Variants in UNC13C observed in about 807,000 individuals in gnomAD.
The protein encoded by UNC13C is unc-13 homolog C.
UNC13C carries 174 observed loss-of-function variants against 245.4 expected under a neutral mutation model. The ratio of observed to expected loss-of-function variants is 0.71; its 90% CI spans 0.63 to 0.80. UNC13C has a LOEUF of 0.80. UNC13C is among the 30% of genes least tolerant of loss of function. The probability of loss-of-function intolerance (pLI) is 0.00; values close to 1 mark genes in which losing one functional copy is unlikely to be tolerated. For missense variants in UNC13C, 2,829 were observed against 2,602.9 expected, an observed-to-expected ratio of 1.09 and a Z score of -1.89; for synonymous variants, 992 against 895.1, an observed-to-expected ratio of 1.11 and a Z score of -1.93.
chr15:54,225,623 G>A (rs907921797), intron 4 of UNC13C, among the ~76,000 whole-genome samples: 2 of 152,152 alleles, frequency 1.3e-5, no homozygotes, highest in Non-Finnish European at 1.5e-5. Flanking sequence ...TGTCATTGGT[G>A]TAAAGGAATG....
At chr15:54,400,932 T>C (rs2040169788) in intron 18 of UNC13C, among the ~76,000 whole-genome samples, 1 of 152,080 alleles carries the variant, frequency 6.6e-6, no homozygotes, top group South Asian at 2.1e-4. Context: ...TATGCAGCCA[T>C]AAAAAGTGAT....
chr15:54,504,303 A>G (rs939319285), intron 22 of UNC13C, among the ~76,000 whole-genome samples: 2 of 152,196 alleles, frequency 1.3e-5, no homozygotes, highest in African/African-American at 4.8e-5. Flanking sequence ...TTCTCTGGGA[A>G]CATAATTCTA....
chr15:54,437,278 A>G (rs1330585301), intron 19 of UNC13C, among the ~76,000 whole-genome samples: 5 of 151,980 alleles, frequency 3.3e-5, no homozygotes, highest in Non-Finnish European at 7.4e-5. Flanking sequence ...TATTTTAGTC[A>G]CGAAACAATT....
the UNC13C span, among the ~76,000 whole-genome samples, chr15:53,866,484 C>G: frequency 6.6e-6 from 1 of 152,186 alleles, no homozygotes; most frequent in Non-Finnish European, 1.5e-5. Flanking sequence ...ACCAACTATA[C>G]ATTTATACCA....
chr15:54,111,975 C>A (rs1900800924), intron 2 of UNC13C, among the ~76,000 whole-genome samples: 1 of 152,172 alleles, frequency 6.6e-6, no homozygotes, highest in African/African-American at 2.4e-5. Flanking sequence ...TAGGATGCAA[C>A]AATGGTGGAA....
chr15:54,053,062 T>A (rs1159108402), intron 2 of UNC13C, among the ~76,000 whole-genome samples: 1 of 152,190 alleles, frequency 6.6e-6, no homozygotes, highest in Non-Finnish European at 1.5e-5. Context: ...GGCAGTGGTG[T>A]GATCTCGACC....
chr15:54,012,027 T>G (rs1895402646), intron 1 of UNC13C, among the ~76,000 whole-genome samples: 1 of 152,236 alleles, frequency 6.6e-6, no homozygotes, highest in African/African-American at 2.4e-5. Flanking sequence ...TAAGTTCAAT[T>G]CAACAAAACT....
At chr15:53,971,616 T>G in the UNC13C span, among the ~76,000 whole-genome samples, 1 of 152,200 alleles carries the variant, frequency 6.6e-6, no homozygotes, top group Non-Finnish European at 1.5e-5. Context: ...TTCAGTGTTA[T>G]AAGAGGGCAA....
chr15:54,538,122 A>ACAT (rs1159444094), intron 26 of UNC13C, among the ~76,000 whole-genome samples: 3 of 142,916 alleles, frequency 2.1e-5, no homozygotes, highest in Non-Finnish European at 4.5e-5. Flanking sequence ...GAGCTTAAAT[A>ACAT]CATTAACAAG....
the UNC13C span, among the ~76,000 whole-genome samples, chr15:53,858,292 ATTAAG>A: frequency 6.6e-6 from 1 of 152,170 alleles, no homozygotes; most frequent in African/African-American, 2.4e-5. Flanking sequence ...TAGGAATAGT[ATTAAG>A]TTAAATTATG....
the UNC13C span, among the ~76,000 whole-genome samples, chr15:53,959,710 C>T: frequency 6.6e-6 from 1 of 152,064 alleles, no homozygotes; most frequent in Non-Finnish European, 1.5e-5. Context: ...TTAAGTCTCA[C>T]AACAGAAAAC....
chr15:54,024,939 A>T (rs973166691), intron 2 of UNC13C, among the ~76,000 whole-genome samples: 6 of 48,408 alleles, frequency 1.2e-4, no homozygotes, highest in South Asian at 6.2e-4. Flanking sequence ...AAAAAATAAT[A>T]AAAAAATGCT....
intron 25 of UNC13C, among the ~76,000 whole-genome samples, chr15:54,530,342 C>T (rs139746772): frequency 6.6e-6 from 1 of 152,156 alleles, no homozygotes; most frequent in Non-Finnish European, 1.5e-5. Flanking sequence ...GATCTGTCCT[C>T]TTAGCAAATT....
intron 2 of UNC13C, among the ~76,000 whole-genome samples, chr15:54,030,295 T>C (rs1896302944): frequency 1.3e-5 from 2 of 152,048 alleles, no homozygotes; most frequent in African/African-American, 4.8e-5. Context: ...CCCTAGACCA[T>C]TAAGCTGAAT....
intron 1 of UNC13C, among the ~76,000 whole-genome samples, chr15:53,994,806 A>G (rs987451453): frequency 9.2e-5 from 14 of 152,124 alleles, no homozygotes; most frequent in Non-Finnish European, 1.8e-4. Flanking sequence ...TTATATAAAA[A>G]TGTTTAATAT....
chr15:54,451,676 T>C (rs181068149), intron 19 of UNC13C, among the ~76,000 whole-genome samples: 185 of 152,328 alleles, frequency 1.2e-3, no homozygotes, highest in Middle Eastern at 3.4e-3. Context: ...TTTTCTGATT[T>C]CTTTGTATTA....
At chr15:53,928,649 G>A in the UNC13C span, among the ~76,000 whole-genome samples, 6,688 of 152,218 alleles carry the variant, frequency 0.044, 306 homozygotes, top group East Asian at 0.21. Context: ...TGTCTACTTT[G>A]AGCTTTGTTA....
the UNC13C span, among the ~76,000 whole-genome samples, chr15:53,937,755 T>C: frequency 5.3e-5 from 8 of 150,418 alleles, no homozygotes; most frequent in African/African-American, 1.7e-4. Flanking sequence ...AGAGAATTTC[T>C]AACCCAGAAT....
chr15:54,175,369 C>G (rs983366095), intron 4 of UNC13C, among the ~76,000 whole-genome samples: 1 of 152,086 alleles, frequency 6.6e-6, no homozygotes, highest in African/African-American at 2.4e-5. Context: ...CAATCTGTCT[C>G]CAGTAGCACC....
Sources: allele counts gnomAD v4.1 joint callset (sites outside exome capture counted in the v4.1 genomes callset), GRCh38; gene constraint gnomAD v4.1.1; transcripts MANE v1.5; gene names NCBI Gene and HGNC (gene_info 2026-07-23, HGNC 2026-07-21).